The following RAB38 variants were observed in gnomAD, a reference collection of about 807,000 sequenced individuals.
The protein encoded by RAB38 is ras-related protein Rab-38.
RAB38 carries 15 observed loss-of-function variants against 18.4 expected under a neutral mutation model. The observed-to-expected ratio is 0.82, with a 90% CI of 0.55 to 1.26. The LOEUF is 1.26. Ranked by LOEUF, RAB38 falls within the 50% of genes most tolerant of loss-of-function variation. RAB38 has a pLI of 0.00. For synonymous variants in RAB38, 101 were observed against 104.4 expected (o/e 0.97, Z 0.20); for missense variants, 294 against 267.4 (o/e 1.10, Z -0.69).
chr11:88,037,625 G>T, the RAB38 span, among the ~76,000 whole-genome samples: 1 of 151,996 alleles, frequency 6.6e-6, no homozygotes, highest in Admixed American at 6.6e-5. Context: ...CTACTAATCT[G>T]CTTTCTATCA....
At chr11:87,965,831 G>A in the RAB38 span, among the ~76,000 whole-genome samples, 1 of 152,300 alleles carries the variant, frequency 6.6e-6, no homozygotes, top group Middle Eastern at 3.4e-3. Flanking sequence ...GTAAATGGAA[G>A]TGGGAATTTG....
At chr11:87,948,607 G>T in the RAB38 span, among the ~76,000 whole-genome samples, 9 of 151,910 alleles carry the variant, frequency 5.9e-5, no homozygotes, top group Non-Finnish European at 1.0e-4. Flanking sequence ...TAGCATGAAG[G>T]GTTCTTGAAT....
the RAB38 span, among the ~76,000 whole-genome samples, chr11:87,960,074 A>T: frequency 1.3e-5 from 2 of 152,298 alleles, no homozygotes; most frequent in South Asian, 2.1e-4. Context: ...GTAGCCTATG[A>T]GTGTCAAAGC....
the RAB38 span, among the ~76,000 whole-genome samples, chr11:87,844,875 G>A: frequency 9.8e-4 from 149 of 152,240 alleles, no homozygotes; most frequent in African/African-American, 3.5e-3. Context: ...TGAATCACTA[G>A]CACAAGATTG....
chr11:88,155,386 A>C (rs531387988), intron 1 of RAB38, among the ~76,000 whole-genome samples: 1 of 152,346 alleles, frequency 6.6e-6, no homozygotes, highest in South Asian at 2.1e-4. Context: ...CTTACAGGTC[A>C]AACTGCACAG....
At position 88,175,128 on chromosome 11, in the gene RAB38, CTG is replaced by C; in HGVS notation, c.202+53_202+54del. On this transcript the variant is annotated intron_variant, in intron 1 of 2. Transcript: ENST00000243662. ...TTGGCCGCAAGCCGCTGCCTCGAGA[CTG>C]GAAACCGGCCGCGAGGCGCTCTATC... The C allele has an allele frequency of 3.3e-6, 5 of 1,494,122 alleles. No homozygotes were observed. In the South Asian group the frequency reaches 6.5e-5, roughly 19 times the overall value. The allele number at this position is 1,494,122 out of a possible 1,614,324, so 92.6% of individuals were successfully genotyped here.
the RAB38 span, among the ~76,000 whole-genome samples, chr11:88,077,641 CAAAT>C: frequency 6.6e-6 from 1 of 151,824 alleles, no homozygotes; most frequent in East Asian, 1.9e-4. Context: ...ATACAAAAGT[CAAAT>C]AAAAATAGAT....
chr11:88,114,144 T>C lies in RAB38; in HGVS notation c.484-4A>G. ...CTTCATCAATGTTTATATTTTCCTATGAGGGAAAAAATAAAACAGCTTTTC... is the reference window on the plus strand; with the variant it reads ...CTTCATCAATGTTTATATTTTCCTACGAGGGAAAAAATAAAACAGCTTTTC... On this transcript the variant is annotated splice_polypyrimidine_tract_variant and splice_region_variant and intron_variant, in intron 2 of 2. Coordinates refer to ENST00000243662, the MANE Select transcript of RAB38 (RefSeq NM_022337.3). The C allele has an allele frequency of 2.5e-6, 4 of 1,613,798 alleles. No individual in the cohort carries two copies. Among genetic ancestry groups the C allele is most frequent in the Non-Finnish European group, 2.5e-6 (3 of 1,179,780 alleles).
chr11:87,963,592 A>G, the RAB38 span, among the ~76,000 whole-genome samples: 1 of 152,090 alleles, frequency 6.6e-6, no homozygotes, highest in Non-Finnish European at 1.5e-5. Flanking sequence ...GAGTTAAAAC[A>G]TCATGTTAAA....
At chr11:88,120,892 C>A (rs1467941914) in intron 2 of RAB38, among the ~76,000 whole-genome samples, 1 of 152,192 alleles carries the variant, frequency 6.6e-6, no homozygotes, top group African/African-American at 2.4e-5. Context: ...CACAGAGAAT[C>A]ACCAAATATT....
At chr11:87,974,315 AACT>A in the RAB38 span, among the ~76,000 whole-genome samples, 1 of 151,864 alleles carries the variant, frequency 6.6e-6, no homozygotes, top group East Asian at 1.9e-4. Context: ...TGGAAATGAA[AACT>A]ACAACTTTGA....
chr11:88,042,516 T>G, the RAB38 span, among the ~76,000 whole-genome samples: 1 of 152,150 alleles, frequency 6.6e-6, no homozygotes, highest in Non-Finnish European at 1.5e-5. Context: ...CCACCTGCCT[T>G]CTGAATGATA....
chr11:88,150,067 T>C, intron 1 of RAB38, 112 bp from the exon 2 acceptor site: 1 of 1,133,016 alleles, frequency 8.8e-7, no homozygotes, highest in Non-Finnish European at 1.3e-6. Context: ...GTGCTTCGTC[T>C]TTACTGATAA....
At chr11:88,030,290 T>C in the RAB38 span, among the ~76,000 whole-genome samples, 2 of 152,102 alleles carry the variant, frequency 1.3e-5, no homozygotes, top group Non-Finnish European at 2.9e-5. Flanking sequence ...AGATCTAAAA[T>C]TGTCAACCTA....
chr11:88,033,683 A>G, the RAB38 span, among the ~76,000 whole-genome samples: 2 of 149,628 alleles, frequency 1.3e-5, no homozygotes, highest in Non-Finnish European at 3.0e-5. Context: ...CCATCATTAT[A>G]GTAAAGAACA....
chr11:88,004,124 T>A, the RAB38 span, among the ~76,000 whole-genome samples: 30,982 of 146,416 alleles, frequency 0.21, 3,572 homozygotes, highest in African/African-American at 0.29. Flanking sequence ...GTTTTAGCAG[T>A]TATTAAAATA....
chr11:87,807,261 C>T, the RAB38 span, among the ~76,000 whole-genome samples: 11 of 152,186 alleles, frequency 7.2e-5, no homozygotes, highest in African/African-American at 2.2e-4. Context: ...AAAATATTTT[C>T]TTCAAAACTC....
At chr11:87,950,186 T>TTTATCAGAGACTAG in the RAB38 span, among the ~76,000 whole-genome samples, 1 of 152,196 alleles carries the variant, frequency 6.6e-6, no homozygotes, top group East Asian at 1.9e-4. Flanking sequence ...TAAAGTCTGT[T>TTTATCAGAGACTAG]TTATCAGAGA....
At chr11:87,869,370 T>C in the RAB38 span, among the ~76,000 whole-genome samples, 1 of 151,672 alleles carries the variant, frequency 6.6e-6, no homozygotes, top group Non-Finnish European at 1.5e-5. Context: ...AGAAATTAAA[T>C]GAGCACTCAT....
Sources: allele counts gnomAD v4.1 joint callset (sites outside exome capture counted in the v4.1 genomes callset), GRCh38; gene constraint gnomAD v4.1.1; transcripts MANE v1.5; gene names NCBI Gene and HGNC (gene_info 2026-07-23, HGNC 2026-07-21).